Variants in ZEB1 observed in about 807,000 individuals in gnomAD.
ZEB1 encodes zinc finger E-box binding homeobox 1.
ZEB1 carries 21 observed loss-of-function variants against 84.9 expected under a neutral mutation model. That is an observed-to-expected ratio of 0.25 (90% CI 0.18 to 0.36). The LOEUF is 0.36. Among genes scored for constraint, ZEB1 ranks in the 10% least tolerant of loss-of-function variants. The pLI, the probability that ZEB1 is intolerant of heterozygous loss-of-function variation, is 1.00. For synonymous variants in ZEB1, 420 were observed against 471.1 expected (o/e 0.89, Z 1.41); for missense variants, 1,104 against 1,330.2 (o/e 0.83, Z 2.65).
chr10:31,449,955 G>C (rs1020756658), intron 1 of ZEB1, among the ~76,000 whole-genome samples: 2 of 152,294 alleles, frequency 1.3e-5, no homozygotes, highest in Admixed American at 1.3e-4. Context: ...GACATTAGAA[G>C]AATATATAAC....
intron 2 of ZEB1, among the ~76,000 whole-genome samples, chr10:31,490,285 A>G (rs933043426): frequency 2.0e-5 from 3 of 151,532 alleles, no homozygotes; most frequent in Admixed American, 1.3e-4. Context: ...TTTCTGCACT[A>G]CAGCTCTTTT....
intron 1 of ZEB1, among the ~76,000 whole-genome samples, chr10:31,398,593 A>G (rs1034877722): frequency 7.2e-5 from 11 of 152,118 alleles, no homozygotes; most frequent in African/African-American, 2.2e-4. Context: ...TGTAAAGCCT[A>G]TATCTCTGAA....
chr10:31,469,336 C>A (rs1216907074), intron 2 of ZEB1, among the ~76,000 whole-genome samples: 1 of 152,120 alleles, frequency 6.6e-6, no homozygotes. Context: ...AGACAGTGGG[C>A]ACAGGTCAGT....
intron 1 of ZEB1, among the ~76,000 whole-genome samples, chr10:31,411,812 A>G (rs895277190): frequency 6.6e-6 from 1 of 152,018 alleles, no homozygotes; most frequent in South Asian, 2.1e-4. Flanking sequence ...TGCACAATCC[A>G]ACTAAAACCA....
intron 1 of ZEB1, among the ~76,000 whole-genome samples, chr10:31,457,839 G>T (rs1373039746): frequency 6.6e-6 from 1 of 152,042 alleles, no homozygotes; most frequent in Non-Finnish European, 1.5e-5. Context: ...CTAATTTGGG[G>T]GAAGTTTTCA....
At chr10:31,518,588 C>T (rs1293733323) in intron 6 of ZEB1, among the ~76,000 whole-genome samples, 2 of 152,102 alleles carry the variant, frequency 1.3e-5, no homozygotes, top group Non-Finnish European at 2.9e-5. Context: ...ACCCCTATAA[C>T]AGTCCAATGA....
intron 1 of ZEB1, among the ~76,000 whole-genome samples, chr10:31,407,577 G>A (rs909977725): frequency 6.6e-6 from 1 of 152,058 alleles, no homozygotes; most frequent in African/African-American, 2.4e-5. Context: ...TGTCTTTATA[G>A]CAGCATGATT....
chr10:31,453,243 G>A (rs1350891063), intron 1 of ZEB1, among the ~76,000 whole-genome samples: 1 of 152,068 alleles, frequency 6.6e-6, no homozygotes, highest in South Asian at 2.1e-4. Flanking sequence ...TGTGGCCTTC[G>A]CCTGTGGCTT....
At position 31,502,396 on chromosome 10, in the gene ZEB1, A is replaced by T; in HGVS notation, c.371A>T (p.Asp124Val). The T allele has an allele frequency of 6.2e-7, 1 of 1,613,880 alleles. No individual in the cohort carries two copies. Among genetic ancestry groups the T allele is most frequent in the East Asian group, 2.2e-5 (1 of 44,862 alleles). Residue 124 changes from aspartate (D) to valine (V), a missense_variant, in exon 4 of 9, where the codon GAT (aspartate) becomes GTT (valine). Physicochemically the swap from Asp to Val is radical, Grantham distance 152. Around this residue, in one of 7 missense-constraint regions of ZEB1, gnomAD observed 162 missense variants for 184.5 expected, o/e 0.88. Transcript: ENST00000424869. ...ESDAENEQNH[D>V]PNVEEFLQQQ... ...GATGCAGAAAATGAGCAAAACCATG[A>T]TCCTAATGTTGAAGAGTTTCTACAA...
At chr10:31,372,113 G>A (rs2045823715) in intron 1 of ZEB1, among the ~76,000 whole-genome samples, 1 of 152,030 alleles carries the variant, frequency 6.6e-6, no homozygotes, top group South Asian at 2.1e-4. Context: ...TAGCTATCTA[G>A]TTATGTACAC....
chr10:31,523,251 G>C (rs1432290014), intron 7 of ZEB1, among the ~76,000 whole-genome samples: 1 of 152,200 alleles, frequency 6.6e-6, no homozygotes, highest in African/African-American at 2.4e-5. Flanking sequence ...ACATAAGAAC[G>C]TGCTGCCCAA....
chr10:31,475,885 C>G (rs2138217193), intron 2 of ZEB1, among the ~76,000 whole-genome samples: 1 of 152,100 alleles, frequency 6.6e-6, no homozygotes, highest in Middle Eastern at 3.4e-3. Context: ...ACAACTGAGA[C>G]TCCAAGGCAC....
chr10:31,420,276 A>G (rs1031659861), intron 1 of ZEB1, among the ~76,000 whole-genome samples: 5 of 152,158 alleles, frequency 3.3e-5, no homozygotes, highest in African/African-American at 4.8e-5. Context: ...TCGTGCTTCC[A>G]TGGGTCAGGA....
At chr10:31,319,033 C>G, upstream of ZEB1, 2 of 627,928 alleles carry the variant, frequency 3.2e-6, no homozygotes, top group Non-Finnish European at 5.9e-6. Flanking sequence ...CCACGGTTGC[C>G]GCAAACCGCC....
chr10:31,432,433 T>A (rs1335000561), intron 1 of ZEB1, among the ~76,000 whole-genome samples: 1 of 152,072 alleles, frequency 6.6e-6, no homozygotes, highest in Non-Finnish European at 1.5e-5. Context: ...TACAGAAAAT[T>A]TAAAAATTAG....
At chr10:31,450,044 A>T (rs958149252) in intron 1 of ZEB1, among the ~76,000 whole-genome samples, 1 of 152,200 alleles carries the variant, frequency 6.6e-6, no homozygotes, top group Non-Finnish European at 1.5e-5. Flanking sequence ...CCATGCTCCT[A>T]CTTCTCTATA....
At chr10:31,439,055 T>C (rs1279705029) in intron 1 of ZEB1, among the ~76,000 whole-genome samples, 3 of 152,082 alleles carry the variant, frequency 2.0e-5, no homozygotes, top group African/African-American at 7.2e-5. Context: ...TAAAATAATA[T>C]CAAAGGAATA....
chr10:31,407,579 A>G (rs1339950717), intron 1 of ZEB1, among the ~76,000 whole-genome samples: 1 of 152,132 alleles, frequency 6.6e-6, no homozygotes, highest in East Asian at 1.9e-4. Flanking sequence ...TCTTTATAGC[A>G]GCATGATTTA....
chr10:31,398,799 T>C (rs1408653999), intron 1 of ZEB1, among the ~76,000 whole-genome samples: 1 of 152,076 alleles, frequency 6.6e-6, no homozygotes, highest in Non-Finnish European at 1.5e-5. Context: ...TTTTTTTTTC[T>C]CCTACCCCTC....
Sources: gnomAD v4.1 joint callset for allele counts (sites outside exome capture counted in the v4.1 genomes callset) on GRCh38, gnomAD v4.1.1 for gene constraint, gnomAD v4.1.1 regional missense constraint, MANE v1.5 for transcripts, NCBI Gene and HGNC (gene_info 2026-07-23, HGNC 2026-07-21) for gene names.